PRRC2B: variants seen among roughly 807,000 people sequenced by gnomAD.
PRRC2B encodes the protein proline rich coiled-coil 2B, also known as protein PRRC2B.
Under a neutral mutation model 242.3 loss-of-function variants are expected in PRRC2B, and 68 were observed. The ratio of observed to expected loss-of-function variants is 0.28; its 90% CI spans 0.23 to 0.34. The LOEUF (loss-of-function observed/expected upper bound fraction) is 0.34. Among genes scored for constraint, PRRC2B ranks in the 10% least tolerant of loss-of-function variants. The probability of loss-of-function intolerance (pLI) is 1.00; values close to 1 mark genes in which losing one functional copy is unlikely to be tolerated. For synonymous variants in PRRC2B, 1,228 were observed against 1,173.6 expected, an observed-to-expected ratio of 1.05 and a Z score of -0.95; for missense variants, 2,835 against 2,954.8, an observed-to-expected ratio of 0.96 and a Z score of 0.94.
intron 23 of PRRC2B, among the ~76,000 whole-genome samples, chr9:131,484,457 G>A (rs139231489): frequency 6.6e-6 from 1 of 152,318 alleles, no homozygotes; most frequent in Non-Finnish European, 1.5e-5. Context: ...GCTGCCATCA[G>A]TTTCATCTGG....
Position 131,398,846 on chromosome 9 carries a change from C to T in PRRC2B, c.-52+4583C>T, listed in dbSNP as rs145969488. On this transcript the variant is annotated intron_variant, in intron 1 of 31. Coordinates refer to ENST00000683519, the MANE Select transcript of PRRC2B (RefSeq NM_013318.4). ...AGAAAAAATTAGTAGGGTATAGTGGCGCATGCCTGTAGTTCTAACTACTTG... is the reference window on the plus strand; with the variant it reads ...AGAAAAAATTAGTAGGGTATAGTGGTGCATGCCTGTAGTTCTAACTACTTG... 6.6e-5 allele frequency among the ~76,000 whole-genome samples: 10 copies of T among 152,176 alleles called. No individual in the cohort carries two copies. In the East Asian group the frequency reaches 1.5e-3, roughly 24 times the overall value.
chr9:131,495,171 C>T (rs1944297116), intron 31 of PRRC2B, among the ~76,000 whole-genome samples: 1 of 152,140 alleles, frequency 6.6e-6, no homozygotes, highest in Admixed American at 6.5e-5. Flanking sequence ...TGCTCTGTGA[C>T]TTCCCCACCC....
chr9:131,460,566 A>C (rs572992817), intron 11 of PRRC2B, among the ~76,000 whole-genome samples: 2 of 152,290 alleles, frequency 1.3e-5, no homozygotes, highest in African/African-American at 4.8e-5. Flanking sequence ...TTCATGCTGT[A>C]GAGTTACTCT....
At chr9:131,420,608 G>T (rs771754673) in intron 1 of PRRC2B, among the ~76,000 whole-genome samples, 2 of 147,830 alleles carry the variant, frequency 1.4e-5, no homozygotes, top group African/African-American at 2.5e-5. Flanking sequence ...TCCTGTCTCA[G>T]CCTCCTGAGT....
In PRRC2B at chr9:131,494,780, C is replaced by T. The variant is rs1042076276; in HGVS notation, c.6555+294C>T. On this transcript the variant is annotated intron_variant, in intron 31 of 31. Transcript: ENST00000683519. This position sits in a 1 kb window ranked among gnomAD's most constrained non-coding sequence, Gnocchi z 4.3. ...CAGCCCTGGCAGGTCGGGGCTGAGG[C>T]GCCCTGGGAGACTCGGTTAGGTTTG... Among the ~76,000 whole-genome samples, 1 of 152,130 alleles carries T rather than the reference C, an allele frequency of 6.6e-6. No homozygotes were observed. The highest frequency in any genetic ancestry group is 1.5e-5 in the Non-Finnish European group (1 of 68,024).
intron 11 of PRRC2B, 102 bp from the exon 12 acceptor site, chr9:131,464,661 T>A: frequency 1.9e-6 from 2 of 1,027,634 alleles, no homozygotes; most frequent in Non-Finnish European, 2.8e-6. Flanking sequence ...CTCTTGAAGG[T>A]GCTTGAGGAT....
chr9:131,476,135 G>A lies in PRRC2B; in HGVS notation c.4006G>A (p.Ala1336Thr), dbSNP rs760374463. The change falls in exon 16 of 32, where the codon GCA (alanine) becomes ACA (threonine). Residue 1336 changes from alanine (A) to threonine (T), a missense_variant. Ala to Thr is a moderately conservative substitution (Grantham distance 58). Transcript: ENST00000683519. Reference protein sequence around the residue: ...WGPEEEPHLLAGQWPGRPKLC... With the variant: ...WGPEEEPHLLTGQWPGRPKLC... Reference sequence around the variant, plus strand: ...ACCCGAGGAGGAGCCCCACCTGCTGGCAGGTCAGTGGCCAGGCAGGCCCAA... The same window carrying A: ...ACCCGAGGAGGAGCCCCACCTGCTGACAGGTCAGTGGCCAGGCAGGCCCAA... 112 of 1,610,676 alleles carry A rather than the reference G, an allele frequency of 7.0e-5. No individual in the cohort carries two copies. Among genetic ancestry groups the A allele is most frequent in the Non-Finnish European group, 9.1e-5 (107 of 1,177,920 alleles).
intron 1 of PRRC2B, among the ~76,000 whole-genome samples, chr9:131,396,436 G>GT (rs1378300519): frequency 6.7e-6 from 1 of 148,498 alleles, no homozygotes; most frequent in African/African-American, 2.5e-5. Flanking sequence ...AGCGATTCTC[G>GT]TGCCTCAGCC....
rs915227498 is a variant in PRRC2B, at chr9:131,420,493, C to T, written c.-51-9601C>T. Among the ~76,000 whole-genome samples, 240 of 30,158 alleles carry T rather than the reference C, an allele frequency of 8.0e-3. 11 individuals carry two copies. The highest frequency in any genetic ancestry group is 0.02 in the African/African-American group (187 of 9,254). The allele number at this position is 30,158 out of a possible 152,430, so 19.8% of individuals were successfully genotyped here. ...TCTTTCTTTCTTTCTTTCTTTCTTT[C>T]TTTTTTTTTTTTTTTTTGAGATGGA... On this transcript the variant is annotated intron_variant, in intron 1 of 31. Transcript: ENST00000683519.
At chr9:131,419,841 A>G (rs1463353287) in intron 1 of PRRC2B, among the ~76,000 whole-genome samples, 3 of 141,828 alleles carry the variant, frequency 2.1e-5, no homozygotes, top group African/African-American at 8.0e-5. Context: ...TGGGGCCAGC[A>G]TGTTGGGCCG....
At chr9:131,484,865 C>T (rs975700295) in intron 24 of PRRC2B, 75 bp downstream of exon 24, 18 of 1,563,380 alleles carry the variant, frequency 1.2e-5, no homozygotes, top group Admixed American at 7.1e-5. Context: ...GAGGAGTCCC[C>T]GAACCCCTAA....
chr9:131,398,027 T>G (rs1457559949), intron 1 of PRRC2B, among the ~76,000 whole-genome samples: 1 of 152,222 alleles, frequency 6.6e-6, no homozygotes, highest in Non-Finnish European at 1.5e-5. Flanking sequence ...GGGTCTGTCA[T>G]TGGGACAAAG....
At chr9:131,468,825 T>G (rs886531705) in intron 13 of PRRC2B, among the ~76,000 whole-genome samples, 4 of 152,194 alleles carry the variant, frequency 2.6e-5, no homozygotes, top group African/African-American at 9.6e-5. Context: ...CCTCAGCCTC[T>G]TCTCTCCTCT....
At position 131,482,979 on chromosome 9, in the gene PRRC2B, C is replaced by CAG; in HGVS notation, c.5373+74_5373+75dup. The CAG allele has an allele frequency of 3.3e-6, 5 of 1,507,356 alleles. No individual in the cohort carries two copies. The African/African-American group carries it at 5.5e-5, about 17-fold the overall frequency. 93.4% of individuals were successfully genotyped at this position (1,507,356 alleles called of 1,614,324 possible). ...TTGGTACTTGGAGAGGCTGGGGGCT[C>CAG]AGATGGGATTGTCTCCTAGAAGGAA... On this transcript the variant is annotated intron_variant, in intron 22 of 31. Transcript: ENST00000683519. The surrounding 1 kb of genome is among the most constrained non-coding windows in gnomAD (Gnocchi z 5.2).
chr9:131,460,631 A>G (rs766883547), intron 11 of PRRC2B, among the ~76,000 whole-genome samples: 22 of 152,168 alleles, frequency 1.4e-4, no homozygotes, highest in Non-Finnish European at 2.2e-4. Context: ...GAGACTGAAC[A>G]TCTCGTTTTT....
intron 10 of PRRC2B, among the ~76,000 whole-genome samples, chr9:131,456,218 T>C (rs1318178559): frequency 3.3e-5 from 5 of 151,476 alleles, no homozygotes; most frequent in Non-Finnish European, 4.4e-5. Context: ...TCTCTTTTTT[T>C]TTTTTTTTTT....
At position 131,467,616 on chromosome 9, in the gene PRRC2B, C is replaced by T; in HGVS notation, c.1774C>T (p.Pro592Ser). 1.2e-6 allele frequency: 2 copies of T among 1,613,546 alleles called. No homozygotes were observed. Among genetic ancestry groups the T allele is most frequent in the Non-Finnish European group, 8.5e-7 (1 of 1,179,720 alleles). Residue 592 changes from proline (P) to serine (S), a missense_variant, in exon 13 of 32, where the codon CCC becomes TCC. By Grantham distance (74) the Pro-to-Ser change is moderately conservative (BLOSUM62 -1). Coordinates refer to ENST00000683519, the MANE Select transcript of PRRC2B (RefSeq NM_013318.4). The stretch of plus-strand genomic sequence containing the variant: ...CCCCACCACATTCCCAGAAGAGGCA[C>T]CCACAGTGTCCCCAGCAGTGGCACA... ...ETPTTFPEEAPTVSPAVAQSN... is the reference protein window; with the variant it reads ...ETPTTFPEEASTVSPAVAQSN...
chr9:131,424,142 A>G (rs1317222819), intron 1 of PRRC2B, among the ~76,000 whole-genome samples: 2 of 152,100 alleles, frequency 1.3e-5, no homozygotes, highest in Non-Finnish European at 2.9e-5. Flanking sequence ...GAGTTTTACC[A>G]TGTTGCTCAG....
intron 1 of PRRC2B, among the ~76,000 whole-genome samples, chr9:131,376,035 T>G (rs1836679284): frequency 9.8e-6 from 1 of 102,536 alleles, no homozygotes. Flanking sequence ...AGCAACAGAG[T>G]GAGACTGTCT....
Sources: allele counts gnomAD v4.1 joint callset (sites outside exome capture counted in the v4.1 genomes callset), GRCh38; gene constraint gnomAD v4.1.1; non-coding constraint Gnocchi (gnomAD v3.1); transcripts MANE v1.5; gene names NCBI Gene and HGNC (gene_info 2026-07-23, HGNC 2026-07-21).